The following HPS3 variants were observed in gnomAD, a reference collection of about 807,000 sequenced individuals.
HPS3 encodes BLOC-2 complex member HPS3.
HPS3 carries 79 observed loss-of-function variants against 110.9 expected under a neutral mutation model. The ratio of observed to expected loss-of-function variants is 0.71; its 90% CI spans 0.59 to 0.86. The LOEUF is 0.86. Among genes scored for constraint, HPS3 ranks in the 40% least tolerant of loss-of-function variants. The probability of loss-of-function intolerance (pLI) is 0.00; values close to 1 mark genes in which losing one functional copy is unlikely to be tolerated. For synonymous variants in HPS3, 428 were observed against 451.0 expected (o/e 0.95, Z 0.65); for missense variants, 1,197 against 1,206.2 (o/e 0.99, Z 0.11).
intron 5 of HPS3, among the ~76,000 whole-genome samples, chr3:149,149,330 T>C (rs1452761260): frequency 6.6e-6 from 1 of 152,156 alleles, no homozygotes; most frequent in Non-Finnish European, 1.5e-5. Flanking sequence ...TATTCTCATC[T>C]GTCCTTCCGG....
rs1277509410 is a variant in HPS3, at chr3:149,167,179, TAGAG to T, written c.2739_2742del (p.Glu913AspfsTer14). 7 of 1,613,876 alleles carry T rather than the reference TAGAG, an allele frequency of 4.3e-6. No homozygotes were observed. The highest frequency in any genetic ancestry group is 3.4e-6 in the Non-Finnish European group (4 of 1,179,898). On this transcript the variant is annotated frameshift_variant, in exon 15 of 17. Transcript: ENST00000296051. LOFTEE classifies it high-confidence loss of function. ...TATGAACAGTGCATAGACATACTGT[TAGAG>T]AGATGCCCGGAGGCAGTCATTCCAT... is the stretch of plus-strand genomic sequence containing the variant.
rs751644652 is a variant in HPS3, at chr3:149,158,803, T to A, written c.1829T>A (p.Ile610Asn). The change falls in exon 10 of 17, where the codon ATT (isoleucine) becomes AAT (asparagine). Residue 610 changes from isoleucine to asparagine, a missense_variant. By Grantham distance (149) the Ile-to-Asn change is moderately radical (BLOSUM62 -3). Coordinates refer to ENST00000296051, the MANE Select transcript of HPS3 (RefSeq NM_032383.5). ...TACGAGAGAGGATTAATCTTTTACA[T>A]TAATCATTCACTTTATGAAAACCTG... Reference protein sequence around the residue: ...QKYERGLIFYINHSLYENLDE... With the variant: ...QKYERGLIFYNNHSLYENLDE... The A allele has an allele frequency of 6.2e-7, 1 of 1,607,224 alleles. No individual in the cohort carries two copies. Among genetic ancestry groups the A allele is most frequent in the Non-Finnish European group, 8.5e-7 (1 of 1,173,804 alleles).
chr3:149,131,776 A>G (rs144938654), intron 1 of HPS3, among the ~76,000 whole-genome samples: 231 of 152,374 alleles, frequency 1.5e-3, no homozygotes, highest in Non-Finnish European at 2.7e-3. Context: ...AAGCTGAGAT[A>G]GGCTGCACGG....
At chr3:149,153,414 C>A in intron 6 of HPS3, 80 bp from the exon 7 acceptor site, 1 of 1,250,782 alleles carries the variant, frequency 8.0e-7, no homozygotes, top group South Asian at 1.2e-5. Flanking sequence ...GAGATTTGAT[C>A]AAATAAACTG....
intron 12 of HPS3, 67 bp downstream of exon 12, chr3:149,162,400 A>G (rs1723954237): frequency 1.4e-6 from 2 of 1,395,520 alleles, no homozygotes; most frequent in Non-Finnish European, 2.0e-6. Flanking sequence ...GAGGGACAGA[A>G]TAAGAGAAGT....
chr3:149,143,908 A>T (rs146627855), intron 4 of HPS3, among the ~76,000 whole-genome samples: 2 of 152,172 alleles, frequency 1.3e-5, no homozygotes, highest in African/African-American at 4.8e-5. Flanking sequence ...CCACATGTAG[A>T]TAGAAAATAG....
rs750074214 is a variant in HPS3, at chr3:149,157,366, C to A, written c.1526C>A (p.Thr509Asn). The A allele has an allele frequency of 1.2e-6, 2 of 1,613,548 alleles. No individual in the cohort carries two copies. The highest frequency in any genetic ancestry group is 1.7e-6 in the Non-Finnish European group (2 of 1,179,686). Residue 509 changes from threonine (T) to asparagine (N), a missense_variant, in exon 9 of 17, where the codon ACC (threonine) becomes AAC (asparagine). Coordinates refer to ENST00000296051, the MANE Select transcript of HPS3 (RefSeq NM_032383.5). ...TTTGTTTAGGTAGACTATAGCAATA[C>A]CTATAAGACTGTCAAAACCCAGAGC... ...LYKEMVDYSNTYKTVKTQSCI... is the reference protein window; with the variant it reads ...LYKEMVDYSNNYKTVKTQSCI...
chr3:149,169,684 C>G (rs1374590810), intron 16 of HPS3, among the ~76,000 whole-genome samples: 2 of 152,144 alleles, frequency 1.3e-5, no homozygotes, highest in Non-Finnish European at 2.9e-5. Flanking sequence ...CAAAATTTTC[C>G]TGGTTGACAA....
intron 14 of HPS3, among the ~76,000 whole-genome samples, chr3:149,164,745 C>T (rs139306361): frequency 2.6e-5 from 4 of 152,268 alleles, no homozygotes; most frequent in Non-Finnish European, 4.4e-5. Flanking sequence ...GGGGCTGACC[C>T]GCAGCCCCTC....
intron 9 of HPS3, among the ~76,000 whole-genome samples, chr3:149,157,782 T>G (rs1046261813): frequency 2.6e-5 from 4 of 152,242 alleles, no homozygotes; most frequent in Admixed American, 2.6e-4. Context: ...GTCTCAAGTT[T>G]GTGATTTTCC....
Position 149,140,310 on chromosome 3 carries a change from T to A in HPS3, c.524T>A (p.Phe175Tyr), listed in dbSNP as rs1440410249. Residue 175 changes from phenylalanine (F) to tyrosine (Y), a missense_variant, in exon 2 of 17, where the codon TTT becomes TAT. Physicochemically the swap from Phe to Tyr is conservative, Grantham distance 22. Transcript: ENST00000296051. ...AATGAGGAATTCTCACTATTGGACT[T>A]TGAACGTTCTTTAATTATACACATA... Reference protein sequence around the residue: ...IINEEFSLLDFERSLIIHIDN... With the variant: ...IINEEFSLLDYERSLIIHIDN... 6.2e-7 allele frequency: 1 copy of A among 1,613,598 alleles called. No homozygotes were observed. Among genetic ancestry groups the A allele is most frequent in the African/African-American group, 1.3e-5 (1 of 74,928 alleles).
At chr3:149,161,741 C>G (rs1454431705) in intron 11 of HPS3, among the ~76,000 whole-genome samples, 1 of 152,008 alleles carries the variant, frequency 6.6e-6, no homozygotes, top group Non-Finnish European at 1.5e-5. Context: ...AACTCCTGAC[C>G]TCAAGTGATC....
intron 13 of HPS3, 115 bp from the exon 14 acceptor site, chr3:149,163,727 A>G (rs1039595054): frequency 9.1e-6 from 6 of 661,904 alleles, no homozygotes; most frequent in Admixed American, 5.2e-5. Context: ...CCAGGAAAGT[A>G]TATACCTAAT....
intron 1 of HPS3, among the ~76,000 whole-genome samples, chr3:149,137,870 T>A (rs1033912918): frequency 3.3e-5 from 5 of 152,126 alleles, no homozygotes; most frequent in African/African-American, 1.2e-4. Flanking sequence ...GATGAAAAAG[T>A]TAGTTATAGA....
At chr3:149,169,156 C>G (rs1029021648) in intron 16 of HPS3, among the ~76,000 whole-genome samples, 1 of 152,062 alleles carries the variant, frequency 6.6e-6, no homozygotes, top group African/African-American at 2.4e-5. Context: ...TCAAGCTACA[C>G]ATTCCTCACC....
intron 1 of HPS3, among the ~76,000 whole-genome samples, chr3:149,131,273 G>GT (rs897288908): frequency 6.6e-5 from 10 of 151,546 alleles, no homozygotes; most frequent in African/African-American, 9.7e-5. Context: ...GGCATACCTT[G>GT]TTTTTTTTGC....
intron 1 of HPS3, among the ~76,000 whole-genome samples, chr3:149,135,532 A>G (rs9847737): frequency 0.2 from 31,165 of 152,054 alleles, 3,898 homozygotes; most frequent in South Asian, 0.33. Context: ...TTCCACCATG[A>G]TTATAAGTTT....
intron 4 of HPS3, among the ~76,000 whole-genome samples, chr3:149,142,351 G>A (rs1722529234): frequency 6.6e-6 from 1 of 152,208 alleles, no homozygotes; most frequent in Non-Finnish European, 1.5e-5. Flanking sequence ...TGATTGGCTT[G>A]TGAATTAGGT....
chr3:149,167,084 G>T lies in HPS3; in HGVS notation c.2640G>T (p.Leu880Phe). The change falls in exon 15 of 17, where the codon TTG becomes TTT. Residue 880 changes from leucine (L) to phenylalanine (F), a missense_variant. Physicochemically the swap from Leu to Phe is conservative, Grantham distance 22. Transcript: ENST00000296051. ...SFDIASIIPF[L>F]EPLSEDTIAG... ...ACATAGCTTCCATTATTCCGTTCTT[G>T]GAGCCACTTTCAGAAGACACTATTG... 2 of 1,613,854 alleles carry T rather than the reference G, an allele frequency of 1.2e-6. No individual in the cohort carries two copies. The highest frequency in any genetic ancestry group is 1.7e-6 in the Non-Finnish European group (2 of 1,179,826).
Sources: allele counts gnomAD v4.1 joint callset (sites outside exome capture counted in the v4.1 genomes callset), GRCh38; gene constraint gnomAD v4.1.1; transcripts MANE v1.5; gene names NCBI Gene and HGNC (gene_info 2026-07-23, HGNC 2026-07-21).